Variants in INIP observed in about 807,000 individuals in gnomAD.
INIP encodes INTS3 and NABP interacting protein, also known as SOSS complex subunit C.
Under a neutral mutation model 14.0 loss-of-function variants are expected in INIP, and 9 were observed. The observed-to-expected ratio is 0.64, with a 90% CI of 0.39 to 1.12. INIP has a LOEUF of 1.12. Among genes scored for constraint, INIP ranks in the 50% most tolerant of loss-of-function variants. The pLI, the probability that INIP is intolerant of heterozygous loss-of-function variation, is 0.01. For synonymous variants in INIP, 37 were observed against 41.5 expected (o/e 0.89, Z 0.41); for missense variants, 78 against 122.7 (o/e 0.64, Z 1.72).
chr9:112,711,763 C>A (rs1055646856), intron 2 of INIP, among the ~76,000 whole-genome samples: 4 of 152,152 alleles, frequency 2.6e-5, no homozygotes, highest in African/African-American at 9.7e-5. Flanking sequence ...CTGGTTACTG[C>A]TGGGAAAGCT....
In INIP at chr9:112,687,259, C is replaced by T. The variant is rs1837707109; in HGVS notation, c.*279G>A. ...CTTGCTAGGAGTTGGGGAATGACTT[C>T]GTGACCATCCAGTTCACAGTCTGAT... On this transcript the variant is annotated 3_prime_UTR_variant, in exon 5 of 5. Coordinates refer to ENST00000374242, the MANE Select transcript of INIP (RefSeq NM_021218.3). 2 of 258,542 alleles carry T rather than the reference C, an allele frequency of 7.7e-6. No individual in the cohort carries two copies. The highest frequency in any genetic ancestry group is 7.4e-5 in the East Asian group (1 of 13,506). 16.0% of individuals were successfully genotyped at this position (258,542 alleles called of 1,614,324 possible).
intron 2 of INIP, among the ~76,000 whole-genome samples, chr9:112,695,820 GAGA>G (rs1229532789): frequency 4.9e-5 from 7 of 144,252 alleles, no homozygotes; most frequent in South Asian, 4.6e-4. Context: ...GAAGAAGAAG[GAGA>G]AGAAGAAGGA....
At chr9:112,696,881 C>T (rs1023112729) in intron 2 of INIP, among the ~76,000 whole-genome samples, 6 of 152,198 alleles carry the variant, frequency 3.9e-5, no homozygotes, top group Admixed American at 6.5e-5. Context: ...ACACTCTCTC[C>T]GGCACACCAT....
intron 2 of INIP, among the ~76,000 whole-genome samples, chr9:112,707,460 A>C (rs1838513530): frequency 6.6e-6 from 1 of 151,592 alleles, no homozygotes; most frequent in Non-Finnish European, 1.5e-5. Context: ...TCATTCATTC[A>C]TAGAAACATT....
chr9:112,693,512 A>G (rs943257346), intron 3 of INIP, among the ~76,000 whole-genome samples: 13 of 152,224 alleles, frequency 8.5e-5, no homozygotes, highest in African/African-American at 3.1e-4. Context: ...AAGATGCTAT[A>G]TAAGTAGAGT....
intron 3 of INIP, among the ~76,000 whole-genome samples, chr9:112,693,719 A>C (rs1564225577): frequency 6.6e-6 from 1 of 152,212 alleles, no homozygotes; most frequent in Non-Finnish European, 1.5e-5. Context: ...TTAAAGAAAA[A>C]AATCATTGCC....
chr9:112,690,375 T>C (rs1385400678), intron 3 of INIP, among the ~76,000 whole-genome samples: 1 of 152,126 alleles, frequency 6.6e-6, no homozygotes, highest in African/African-American at 2.4e-5. Flanking sequence ...CGATTCCAGC[T>C]ACGTGGGAGG....
At chr9:112,702,273 T>C (rs1363751645) in intron 2 of INIP, among the ~76,000 whole-genome samples, 1 of 152,084 alleles carries the variant, frequency 6.6e-6, no homozygotes, top group East Asian at 1.9e-4. Context: ...TATACATATA[T>C]AAAAATTATA....
At chr9:112,700,861 A>G (rs1838274118) in intron 2 of INIP, among the ~76,000 whole-genome samples, 1 of 152,052 alleles carries the variant, frequency 6.6e-6, no homozygotes, top group South Asian at 2.1e-4. Flanking sequence ...TAACATTAAT[A>G]TAGTTCCTGG....
chr9:112,710,991 C>G (rs527797720), intron 2 of INIP, among the ~76,000 whole-genome samples: 5 of 148,762 alleles, frequency 3.4e-5, no homozygotes, highest in Non-Finnish European at 7.4e-5. Flanking sequence ...CCAGCCTGGG[C>G]AACAAAGCGA....
In INIP at chr9:112,716,551, A is replaced by ATG; in HGVS notation, c.-56-12_-56-11dup. 2.7e-5 allele frequency: 36 copies of ATG among 1,326,330 alleles called. No homozygotes were observed. The highest frequency in any genetic ancestry group is 3.7e-5 in the Non-Finnish European group (34 of 917,496). The allele number at this position is 1,326,330 out of a possible 1,614,324, so 82.2% of individuals were successfully genotyped here. A position where few individuals can be genotyped will look rare whatever the true frequency, so the allele number is the denominator to read the frequency against. ...AGCACTTCACAATCACCTATAAAAT[A>ATG]TGTGTACACACATATACAATGCACC... On this transcript the variant is annotated splice_polypyrimidine_tract_variant and intron_variant, in intron 1 of 4. Coordinates refer to ENST00000374242, the MANE Select transcript of INIP (RefSeq NM_021218.3).
chr9:112,701,125 T>C (rs1255547857), intron 2 of INIP, among the ~76,000 whole-genome samples: 1 of 151,826 alleles, frequency 6.6e-6, no homozygotes, highest in Non-Finnish European at 1.5e-5. Context: ...CTGGGCAACA[T>C]GATGAAACCC....
chr9:112,685,319 T>A lies in INIP; in HGVS notation c.*2219A>T, dbSNP rs998268956. 3.3e-5 allele frequency: 5 copies of A among 151,994 alleles called. No individual in the cohort carries two copies. Among genetic ancestry groups the A allele is most frequent in the Non-Finnish European group, 7.4e-5 (5 of 68,020 alleles). 9.4% of individuals were successfully genotyped at this position (151,994 alleles called of 1,614,324 possible). A position where few individuals can be genotyped will look rare whatever the true frequency, so the allele number is the denominator to read the frequency against. ...GTTGCCTAGGCTGTGGCTTGCTTTA[T>A]AACTATTGGTGTACCAGAATAGGAT... On this transcript the variant is annotated 3_prime_UTR_variant, in exon 5 of 5. Transcript: ENST00000374242.
rs555793040 is a variant in INIP, at chr9:112,685,045, T to G, written c.*2493A>C. ...ACTTCTAAGCCTAGCCAGACCGCAC[T>G]GCGTTCCAGGATGCCTCTCTCAGGC... On this transcript the variant is annotated 3_prime_UTR_variant, in exon 5 of 5. Coordinates refer to ENST00000374242, the MANE Select transcript of INIP (RefSeq NM_021218.3). 1.3e-5 allele frequency: 2 copies of G among 152,336 alleles called. No homozygotes were observed. Among genetic ancestry groups the G allele is most frequent in the East Asian group, 3.9e-4 (2 of 5,178 alleles). The allele number at this position is 152,336 out of a possible 1,614,324, so 9.4% of individuals were successfully genotyped here.
chr9:112,716,652 A>T, intron 1 of INIP, 111 bp from the exon 2 acceptor site: 1 of 565,926 alleles, frequency 1.8e-6, no homozygotes, highest in African/African-American at 2.0e-5. Context: ...ATCTCTTCAG[A>T]AAGATACATT....
At chr9:112,692,613 TG>T (rs1394984352) in intron 3 of INIP, among the ~76,000 whole-genome samples, 1 of 151,924 alleles carries the variant, frequency 6.6e-6, no homozygotes, top group African/African-American at 2.4e-5. Flanking sequence ...ATACTAAATA[TG>T]GCAGAGACTG....
At chr9:112,701,363 G>A (rs1838295430) in intron 2 of INIP, among the ~76,000 whole-genome samples, 1 of 152,128 alleles carries the variant, frequency 6.6e-6, no homozygotes. Flanking sequence ...CTCATATATT[G>A]CTCTATTTAC....
Position 112,687,634 on chromosome 9 carries a change from C to A in INIP, c.220-1G>T. The stretch of plus-strand genomic sequence containing the variant: ...ATCCAGATGAATGTGCATGAGCATG[C>A]TGGGAAAGATTAAAAACAAAAAGGC... On this transcript the variant is annotated splice_acceptor_variant, in intron 4 of 4. Transcript: ENST00000374242. LOFTEE classifies it high-confidence loss of function. 1 of 1,523,256 alleles carries A rather than the reference C, an allele frequency of 6.6e-7. No individual in the cohort carries two copies. The allele number at this position is 1,523,256 out of a possible 1,614,324, so 94.4% of individuals were successfully genotyped here. A position where few individuals can be genotyped will look rare whatever the true frequency, so the allele number is the denominator to read the frequency against.
Position 112,693,451 on chromosome 9 carries a change from C to T in INIP, c.128+680G>A, listed in dbSNP as rs7846863. On this transcript the variant is annotated intron_variant, in intron 3 of 4. Transcript: ENST00000374242. ...TATTTACCTTCTCAGTTTCCCACCCCAAGAAGCCTAAAATCCCTTTTGTTT... is the reference window on the plus strand; with the variant it reads ...TATTTACCTTCTCAGTTTCCCACCCTAAGAAGCCTAAAATCCCTTTTGTTT... Among the ~76,000 whole-genome samples the T allele has an allele frequency of 1.5e-3, 223 of 152,294 alleles. 1 individual carries two copies. The highest frequency in any genetic ancestry group is 6.8e-3 in the Middle Eastern group (2 of 294).
Sources: allele counts gnomAD v4.1 joint callset (sites outside exome capture counted in the v4.1 genomes callset), GRCh38; gene constraint gnomAD v4.1.1; transcripts MANE v1.5; gene names NCBI Gene and HGNC (gene_info 2026-07-23, HGNC 2026-07-21).